The following NEO1 variants were observed in gnomAD, a reference collection of about 807,000 sequenced individuals.
NEO1 encodes the protein neogenin.
Under a neutral mutation model 159.7 loss-of-function variants are expected in NEO1, and 63 were observed. The observed-to-expected ratio is 0.39, with a 90% CI of 0.32 to 0.49. The LOEUF is 0.49. NEO1 is among the 20% of genes least tolerant of loss of function. NEO1 has a pLI of 0.85. For missense variants in NEO1, 1,615 were observed against 1,831.0 expected (o/e 0.88, Z 2.15); for synonymous variants, 633 against 662.0 (o/e 0.96, Z 0.67).
chr15:73,079,125 A>C (rs1359088445), intron 1 of NEO1, among the ~76,000 whole-genome samples: 1 of 152,164 alleles, frequency 6.6e-6, no homozygotes, highest in East Asian at 1.9e-4. Flanking sequence ...ATGCCCAAAT[A>C]GATTTTGTTT....
chr15:73,091,613 A>G (rs2069697797), intron 1 of NEO1, among the ~76,000 whole-genome samples: 1 of 151,854 alleles, frequency 6.6e-6, no homozygotes. Flanking sequence ...CCCAGGGTGG[A>G]GTGTGGTGGC....
intron 23 of NEO1, among the ~76,000 whole-genome samples, chr15:73,286,079 C>CCACCCA (rs1364043145): frequency 1.4e-5 from 2 of 142,512 alleles, no homozygotes; most frequent in East Asian, 4.7e-4. Context: ...ACCCCCACCC[C>CCACCCA]CACCCCCTGT....
At chr15:73,059,561 G>A (rs1286123617) in intron 1 of NEO1, among the ~76,000 whole-genome samples, 1 of 152,174 alleles carries the variant, frequency 6.6e-6, no homozygotes, top group Non-Finnish European at 1.5e-5. Flanking sequence ...CGTGCTTTCT[G>A]TCCTCAGGAA....
intron 7 of NEO1, among the ~76,000 whole-genome samples, chr15:73,227,518 A>G (rs1379096685): frequency 1.3e-5 from 2 of 152,174 alleles, no homozygotes; most frequent in African/African-American, 4.8e-5. Flanking sequence ...AAGCCAGATC[A>G]GGAGAAACGT....
intron 22 of NEO1, among the ~76,000 whole-genome samples, chr15:73,282,025 C>T (rs1008377457): frequency 3.3e-5 from 5 of 151,880 alleles, no homozygotes; most frequent in African/African-American, 1.2e-4. Context: ...CTTTTTTCCT[C>T]CTCACTTCCT....
At chr15:73,088,883 TAAG>T (rs912964156) in intron 1 of NEO1, among the ~76,000 whole-genome samples, 1 of 152,042 alleles carries the variant, frequency 6.6e-6, no homozygotes, top group African/African-American at 2.4e-5. Context: ...GAAAAACTCC[TAAG>T]AAGAAGGAAG....
chr15:73,281,060 T>G (rs1190454699), intron 22 of NEO1, among the ~76,000 whole-genome samples: 1 of 150,680 alleles, frequency 6.6e-6, no homozygotes, highest in East Asian at 2.0e-4. Flanking sequence ...AAAAAAAAAT[T>G]AGCCGGGCAT....
intron 11 of NEO1, among the ~76,000 whole-genome samples, chr15:73,253,022 C>A (rs950473311): frequency 2.2e-4 from 33 of 151,884 alleles, no homozygotes; most frequent in African/African-American, 8.0e-4. Context: ...AAAAGATAAA[C>A]CATCACCAAT....
intron 5 of NEO1, among the ~76,000 whole-genome samples, chr15:73,164,554 A>G (rs1327925757): frequency 6.6e-6 from 1 of 152,200 alleles, no homozygotes; most frequent in Non-Finnish European, 1.5e-5. Context: ...GACGTGCAGT[A>G]GAATGTTGAA....
At chr15:73,168,748 T>C (rs1189974510) in intron 5 of NEO1, among the ~76,000 whole-genome samples, 1 of 152,154 alleles carries the variant, frequency 6.6e-6, no homozygotes, top group East Asian at 1.9e-4. Context: ...TCAAGAAATG[T>C]CAGAGGATTC....
At chr15:73,082,423 ACT>A (rs1267267902) in intron 1 of NEO1, among the ~76,000 whole-genome samples, 1 of 152,140 alleles carries the variant, frequency 6.6e-6, no homozygotes, top group Non-Finnish European at 1.5e-5. Flanking sequence ...TTGAGAATGT[ACT>A]CTCCTTAAAT....
intron 11 of NEO1, among the ~76,000 whole-genome samples, chr15:73,251,456 G>A (rs1273271045): frequency 6.7e-6 from 1 of 148,400 alleles, no homozygotes; most frequent in African/African-American, 2.5e-5. Flanking sequence ...CAAGGCTTCA[G>A]TGAGCTGTGA....
At chr15:73,178,278 G>A (rs1413622170) in intron 6 of NEO1, 29 bp from the exon 7 acceptor site, 2 of 1,592,676 alleles carry the variant, frequency 1.3e-6, no homozygotes, top group Non-Finnish European at 1.7e-6. Flanking sequence ...ATTAAATTAT[G>A]TAATTTTATT....
At chr15:73,055,172 G>A (rs1595877580) in intron 1 of NEO1, among the ~76,000 whole-genome samples, 1 of 152,302 alleles carries the variant, frequency 6.6e-6, no homozygotes, top group East Asian at 1.9e-4. Context: ...GCAGATTACT[G>A]AAAAGATATG....
chr15:73,185,907 G>A (rs369727551), intron 7 of NEO1, among the ~76,000 whole-genome samples: 1 of 151,992 alleles, frequency 6.6e-6, no homozygotes, highest in Non-Finnish European at 1.5e-5. Flanking sequence ...ACAAATGTTT[G>A]AATAGATAAT....
chr15:73,241,515 C>T (rs982542922), intron 8 of NEO1, among the ~76,000 whole-genome samples: 5 of 152,028 alleles, frequency 3.3e-5, no homozygotes, highest in South Asian at 2.1e-4. Context: ...CTCATTTTTT[C>T]GTTTAATACA....
In NEO1 at chr15:73,249,691, C is replaced by T. The variant is rs774231553; in HGVS notation, c.1864C>T (p.Pro622Ser). The T allele has an allele frequency of 1.2e-6, 2 of 1,612,678 alleles. No individual in the cohort carries two copies. The highest frequency in any genetic ancestry group is 2.2e-5 in the South Asian group (2 of 90,678). ...YNKHGPGVST[P>S]DVAVRTLSDV... ...TAAACATGGTCCTGGAGTTTCCACA[C>T]CAGATGTTGCTGTTCGAACATTGTC... The change falls in exon 11 of 29, where the codon CCA (proline) becomes TCA (serine). Residue 622 changes from proline (P) to serine (S), a missense_variant. This residue lies in a region of NEO1 where 1,018 missense variants were observed against 1,115.4 expected (regional missense o/e 0.91). Transcript: ENST00000261908.
intron 1 of NEO1, among the ~76,000 whole-genome samples, chr15:73,056,159 C>T (rs1234425294): frequency 6.6e-6 from 1 of 152,180 alleles, no homozygotes; most frequent in African/African-American, 2.4e-5. Flanking sequence ...TCTGTTCTCC[C>T]AAACCCAATA....
At chr15:73,095,589 A>C (rs80158392) in intron 1 of NEO1, among the ~76,000 whole-genome samples, 45,973 of 151,738 alleles carry the variant, frequency 0.3, 8,476 homozygotes, top group Admixed American at 0.44. Flanking sequence ...AAGATGTTTA[A>C]TTTTTTTCCT....
Sources: allele counts gnomAD v4.1 joint callset (sites outside exome capture counted in the v4.1 genomes callset), GRCh38; gene constraint gnomAD v4.1.1; regional missense constraint gnomAD v4.1.1; transcripts MANE v1.5; gene names NCBI Gene and HGNC (gene_info 2026-07-23, HGNC 2026-07-21).